Variants in LARP4B observed in about 807,000 individuals in gnomAD.
LARP4B encodes La ribonucleoprotein 4B.
LARP4B carries 12 observed loss-of-function variants against 89.8 expected under a neutral mutation model. That is an observed-to-expected ratio of 0.13 (90% confidence interval 0.09 to 0.22). The LOEUF (loss-of-function observed/expected upper bound fraction) is 0.22, where lower values mean the gene tolerates loss of function less well. Among genes scored for constraint, LARP4B ranks in the 10% least tolerant of loss-of-function variants. LARP4B has a pLI of 1.00. For synonymous variants in LARP4B, 367 were observed against 363.3 expected (o/e 1.01, Z -0.12); for missense variants, 757 against 947.7 (o/e 0.80, Z 2.64).
intron 5 of LARP4B, among the ~76,000 whole-genome samples, chr10:857,945 C>T (rs1834393896): frequency 6.6e-6 from 1 of 152,010 alleles, no homozygotes; most frequent in African/African-American, 2.4e-5. Flanking sequence ...ACATCAAGAG[C>T]AAAAAGGGTG....
intron 6 of LARP4B, 42 bp downstream of exon 6, chr10:844,935 A>C: frequency 7.0e-7 from 1 of 1,423,310 alleles, no homozygotes; most frequent in Non-Finnish European, 9.8e-7. Context: ...TTTGCACAAT[A>C]CTAGAAATAT....
intron 5 of LARP4B, among the ~76,000 whole-genome samples, chr10:859,869 G>A (rs12764044): frequency 5.3e-5 from 8 of 151,990 alleles, no homozygotes; most frequent in African/African-American, 1.5e-4. Flanking sequence ...GCTAGGGGTT[G>A]GGGGGAGGGA....
intron 11 of LARP4B, among the ~76,000 whole-genome samples, chr10:827,049 G>A (rs1359999581): frequency 6.6e-6 from 1 of 152,158 alleles, no homozygotes; most frequent in African/African-American, 2.4e-5. Context: ...CCAAGGGGGG[G>A]CGGATCAAAA....
At position 812,816 on chromosome 10, in the gene LARP4B, G is replaced by A; in HGVS notation, c.*110C>T. The stretch of plus-strand genomic sequence containing the variant: ...GAAAACCAACTTGAGGATCCCACAG[G>A]CCTCAGACACTGCAAGCTCCTAACC... On this transcript the variant is annotated 3_prime_UTR_variant, in exon 18 of 18. Transcript: ENST00000316157. 2.0e-6 allele frequency: 2 copies of A among 978,380 alleles called. No individual in the cohort carries two copies. The highest frequency in any genetic ancestry group is 1.4e-6 in the Non-Finnish European group (1 of 720,654). 60.6% of individuals were successfully genotyped at this position (978,380 alleles called of 1,614,324 possible). A position where few individuals can be genotyped will look rare whatever the true frequency, so the allele number is the denominator to read the frequency against.
intron 1 of LARP4B, among the ~76,000 whole-genome samples, chr10:910,165 T>C (rs566579944): frequency 1.2e-4 from 18 of 152,328 alleles, no homozygotes; most frequent in African/African-American, 3.6e-4. Flanking sequence ...AGCCAATCAA[T>C]AGCTTATGTT....
At chr10:981,506 A>C in the LARP4B span, among the ~76,000 whole-genome samples, 1 of 152,190 alleles carries the variant, frequency 6.6e-6, no homozygotes, top group Admixed American at 6.5e-5. Context: ...CTATATCACT[A>C]AGTAATATTT....
At chr10:893,702 T>G (rs531998841) in intron 1 of LARP4B, among the ~76,000 whole-genome samples, 47 of 152,296 alleles carry the variant, frequency 3.1e-4, no homozygotes, top group Non-Finnish European at 5.7e-4. Context: ...GCCTGGGACA[T>G]CTTACCATGA....
intron 1 of LARP4B, among the ~76,000 whole-genome samples, chr10:891,145 A>C (rs557030131): frequency 1.4e-5 from 2 of 140,372 alleles, no homozygotes; most frequent in Admixed American, 7.2e-5. Flanking sequence ...GTGGTCTTGC[A>C]AAAAAAAAAA....
Position 927,950 on chromosome 10 carries a change from C to T in LARP4B, c.-40+3478G>A, listed in dbSNP as rs554358704. ...CTTTGGCCAGGTACGCCGTGGCTCA[C>T]GCCTGCAATCCCAGCACTTTGGGAG... On this transcript the variant is annotated intron_variant, in intron 1 of 17. Coordinates refer to ENST00000316157, the MANE Select transcript of LARP4B (RefSeq NM_015155.3). Among the ~76,000 whole-genome samples, 13 of 152,226 alleles carry T rather than the reference C, an allele frequency of 8.5e-5. No individual in the cohort carries two copies. The South Asian group carries it at 1.7e-3, about 19-fold the overall frequency.
At chr10:838,622 C>T (rs985576459) in intron 7 of LARP4B, among the ~76,000 whole-genome samples, 6 of 152,098 alleles carry the variant, frequency 3.9e-5, no homozygotes, top group African/African-American at 1.4e-4. Context: ...CAAATGCTGC[C>T]GAGGATGTGG....
At chr10:883,715 CTT>C (rs1835758927) in intron 3 of LARP4B, among the ~76,000 whole-genome samples, 1 of 150,776 alleles carries the variant, frequency 6.6e-6, no homozygotes, top group East Asian at 1.9e-4. Flanking sequence ...GGGAGGATCA[CTT>C]TGAGTTCAGA....
chr10:912,947 C>T (rs956042215), intron 1 of LARP4B, among the ~76,000 whole-genome samples: 1 of 152,186 alleles, frequency 6.6e-6, no homozygotes, highest in Non-Finnish European at 1.5e-5. Context: ...TCTGTAAGGG[C>T]ATCTCCCTTC....
chr10:955,365 G>A, the LARP4B span, among the ~76,000 whole-genome samples: 1 of 152,228 alleles, frequency 6.6e-6, no homozygotes. The surrounding 1 kb of genome is among the most constrained non-coding windows in gnomAD (Gnocchi z 5.2). Context: ...TGGCAGCTTA[G>A]GCAGGTGCCT....
intron 3 of LARP4B, among the ~76,000 whole-genome samples, chr10:866,396 A>G (rs1235328855): frequency 6.6e-6 from 1 of 152,144 alleles, no homozygotes; most frequent in Non-Finnish European, 1.5e-5. Context: ...TGCCTCTGAC[A>G]TGTTCACCAG....
chr10:845,191 T>G, intron 5 of LARP4B, 136 bp from the exon 6 acceptor site: 1 of 578,498 alleles, frequency 1.7e-6, no homozygotes, highest in South Asian at 2.6e-5. Context: ...AGAAAAATGC[T>G]ACTTTACCTA....
chr10:964,291 T>C, the LARP4B span, among the ~76,000 whole-genome samples: 1 of 152,192 alleles, frequency 6.6e-6, no homozygotes, highest in Non-Finnish European at 1.5e-5. Flanking sequence ...GGTCTCGAAC[T>C]CCCGACCTCG....
At chr10:936,638 G>C (rs763195359), upstream of LARP4B, among the ~76,000 whole-genome samples, 2 of 152,160 alleles carry the variant, frequency 1.3e-5, no homozygotes, top group South Asian at 2.1e-4. Context: ...CAGAAGAATT[G>C]CTTAAACCCA....
chr10:863,397 TG>T (rs2131839884), intron 5 of LARP4B, among the ~76,000 whole-genome samples: 1 of 151,916 alleles, frequency 6.6e-6, no homozygotes, highest in African/African-American at 2.4e-5. Context: ...TGATTTTTTT[TG>T]TATTTTTTTT....
At chr10:951,825 T>C in the LARP4B span, among the ~76,000 whole-genome samples, 2 of 130,778 alleles carry the variant, frequency 1.5e-5, no homozygotes, top group Admixed American at 7.5e-5. Flanking sequence ...CTGCATAACA[T>C]ACAACCTTTA....
Sources: gnomAD v4.1 joint callset for allele counts (sites outside exome capture counted in the v4.1 genomes callset) on GRCh38, gnomAD v4.1.1 for gene constraint, Gnocchi (gnomAD v3.1) non-coding constraint, MANE v1.5 for transcripts, NCBI Gene and HGNC (gene_info 2026-07-23, HGNC 2026-07-21) for gene names.